PHTF1: variants seen among roughly 807,000 people sequenced by gnomAD.
PHTF1 encodes putative homeodomain transcription factor 1, also known as protein PHTF1.
Under a neutral mutation model 102.4 loss-of-function variants are expected in PHTF1, and 88 were observed. That is an observed-to-expected ratio of 0.86 (90% confidence interval 0.72 to 1.03). PHTF1 has a LOEUF of 1.03. Ranked by LOEUF, PHTF1 falls within the 50% of genes least tolerant of loss-of-function variation. PHTF1 has a pLI of 0.00. For synonymous variants in PHTF1, 289 were observed against 305.2 expected, an observed-to-expected ratio of 0.95 and a Z score of 0.55; for missense variants, 814 against 909.5, an observed-to-expected ratio of 0.89 and a Z score of 1.35.
At chr1:113,711,652 T>A (rs1224112499) in intron 10 of PHTF1, 94 bp downstream of exon 10, 8 of 882,444 alleles carry the variant, frequency 9.1e-6, no homozygotes, top group Non-Finnish European at 1.3e-5. Flanking sequence ...CAAATATTAA[T>A]GTAAATGCTA....
In PHTF1 at chr1:113,758,635, A is replaced by T. The variant is rs770615694; in HGVS notation, c.45+24T>A. 3.8e-6 allele frequency: 5 copies of T among 1,329,220 alleles called. No homozygotes were observed. The South Asian group carries it at 4.3e-5, about 11-fold the overall frequency. The allele number at this position is 1,329,220 out of a possible 1,614,324, so 82.3% of individuals were successfully genotyped here. On this transcript the variant is annotated intron_variant, in intron 2 of 18. Transcript: ENST00000369604. ...TTTGCAGGAAGAATGCTTTACAAATAAAAAAAATATATATATGTATTACCT... is the reference window on the plus strand; with the variant it reads ...TTTGCAGGAAGAATGCTTTACAAATTAAAAAAATATATATATGTATTACCT...
intron 5 of PHTF1, among the ~76,000 whole-genome samples, chr1:113,733,435 T>C (rs1436188449): frequency 6.6e-6 from 1 of 152,092 alleles, no homozygotes; most frequent in Admixed American, 6.5e-5. Flanking sequence ...AAAAAACACA[T>C]AGAAACCACC....
intron 5 of PHTF1, among the ~76,000 whole-genome samples, chr1:113,734,719 T>G (rs1655213330): frequency 6.6e-6 from 1 of 152,128 alleles, no homozygotes; most frequent in African/African-American, 2.4e-5. Flanking sequence ...TTGTAAAAAG[T>G]GAGAAAGCAT....
chr1:113,710,171 T>C, intron 11 of PHTF1, 83 bp downstream of exon 11: 1 of 990,894 alleles, frequency 1.0e-6, no homozygotes, highest in South Asian at 1.4e-5. Context: ...AGGATGATTG[T>C]AAAGTTAAAT....
intron 5 of PHTF1, among the ~76,000 whole-genome samples, chr1:113,731,758 A>G (rs1298564459): frequency 1.3e-5 from 2 of 151,820 alleles, no homozygotes; most frequent in East Asian, 3.9e-4. Context: ...TTTGCCAGGC[A>G]TGGTAGCGGG....
At chr1:113,704,459 T>C (rs905236963) in intron 14 of PHTF1, among the ~76,000 whole-genome samples, 3 of 152,152 alleles carry the variant, frequency 2.0e-5, no homozygotes, top group African/African-American at 7.2e-5. Context: ...GAAATTTAGA[T>C]TTTCTTTTCC....
At chr1:113,705,091 C>A (rs1041661542) in intron 13 of PHTF1, among the ~76,000 whole-genome samples, 37 of 152,306 alleles carry the variant, frequency 2.4e-4, no homozygotes, top group African/African-American at 7.7e-4. Flanking sequence ...ACTTCACAAA[C>A]TCAAATGTTT....
intron 7 of PHTF1, among the ~76,000 whole-genome samples, chr1:113,716,991 A>C (rs966098057): frequency 3.3e-5 from 5 of 152,222 alleles, no homozygotes; most frequent in African/African-American, 1.2e-4. Flanking sequence ...CCAACTTAAA[A>C]GAATACAACA....
chr1:113,749,459 G>A (rs1657696532), intron 3 of PHTF1: 1 of 152,180 alleles, frequency 6.6e-6, no homozygotes, highest in Non-Finnish European at 1.5e-5. Context: ...TTATAAATCT[G>A]ACGACCAGAC....
At chr1:113,702,749 A>G (rs1649594914) in intron 15 of PHTF1, among the ~76,000 whole-genome samples, 1 of 152,208 alleles carries the variant, frequency 6.6e-6, no homozygotes, top group Non-Finnish European at 1.5e-5. Context: ...AAAGAATAAA[A>G]ACAGGTAGAC....
intron 2 of PHTF1, 31 bp from the exon 3 acceptor site, chr1:113,757,786 G>A (rs1659099366): frequency 1.4e-6 from 2 of 1,391,180 alleles, no homozygotes; most frequent in South Asian, 1.2e-5. Context: ...TTAGTTAAAC[G>A]ATGCAAAGGA....
chr1:113,758,833 G>C, intron 1 of PHTF1, 100 bp from the exon 2 acceptor site: 7 of 1,402,564 alleles, frequency 5.0e-6, no homozygotes, highest in Non-Finnish European at 6.5e-6. Flanking sequence ...CTCTCCATGA[G>C]CTGCTCTTTC....
intron 5 of PHTF1, among the ~76,000 whole-genome samples, chr1:113,733,060 A>ATTTTTTTTTTTTTT (rs386368123): frequency 2.4e-5 from 2 of 84,164 alleles, no homozygotes; most frequent in African/African-American, 1.0e-4. Flanking sequence ...CGCCTGGCTA[A>ATTTTTTTTTTTTTT]TTTTTTTTTT....
intron 1 of PHTF1, 61 bp downstream of exon 1, chr1:113,758,961 AG>A: frequency 1.0e-6 from 1 of 952,882 alleles, no homozygotes; most frequent in Non-Finnish European, 1.3e-6. Context: ...GGGGAGGGGC[AG>A]GGGCCGCCGC....
chr1:113,755,151 T>C (rs1658661128), intron 3 of PHTF1, among the ~76,000 whole-genome samples: 1 of 152,008 alleles, frequency 6.6e-6, no homozygotes, highest in Non-Finnish European at 1.5e-5. Context: ...ATATTTTTAT[T>C]TTAAAATTTT....
At chr1:113,701,034 A>T in intron 15 of PHTF1, 85 bp from the exon 16 acceptor site, 1 of 1,016,254 alleles carries the variant, frequency 9.8e-7, no homozygotes, top group Non-Finnish European at 1.5e-6. Flanking sequence ...ATTTAAGAAC[A>T]TTTCCAAAAA....
intron 5 of PHTF1, among the ~76,000 whole-genome samples, chr1:113,728,103 G>C (rs941197904): frequency 6.6e-6 from 1 of 152,114 alleles, no homozygotes; most frequent in African/African-American, 2.4e-5. Flanking sequence ...ATGGCGGGGC[G>C]GAGGGCCGGG....
At chr1:113,718,302 C>T (rs1038161291) in intron 7 of PHTF1, among the ~76,000 whole-genome samples, 1 of 152,228 alleles carries the variant, frequency 6.6e-6, no homozygotes, top group Non-Finnish European at 1.5e-5. Flanking sequence ...GGTGGGTTCA[C>T]ATGGTCTTGG....
intron 5 of PHTF1, among the ~76,000 whole-genome samples, chr1:113,731,069 T>C (rs1452403906): frequency 6.6e-6 from 1 of 152,156 alleles, no homozygotes; most frequent in Non-Finnish European, 1.5e-5. Flanking sequence ...TGAAAAAATT[T>C]TGGAAATAAA....
Sources: gnomAD v4.1 joint callset for allele counts (sites outside exome capture counted in the v4.1 genomes callset) on GRCh38, gnomAD v4.1.1 for gene constraint, MANE v1.5 for transcripts, NCBI Gene and HGNC (gene_info 2026-07-23, HGNC 2026-07-21) for gene names.